INPP5B: variants seen among roughly 807,000 people sequenced by gnomAD.
INPP5B encodes the protein inositol polyphosphate-5-phosphatase B, also known as type II inositol 1,4,5-trisphosphate 5-phosphatase.
In INPP5B, 90 loss-of-function variants were observed where a neutral mutation model predicts 118.5. That is an observed-to-expected ratio of 0.76 (90% CI 0.64 to 0.90). The LOEUF is 0.90. INPP5B is among the 40% of genes least tolerant of loss of function. The pLI, the probability that INPP5B is intolerant of heterozygous loss-of-function variation, is 0.00. For synonymous variants in INPP5B, 385 were observed against 418.9 expected, an observed-to-expected ratio of 0.92 and a Z score of 0.99; for missense variants, 984 against 1,125.6, an observed-to-expected ratio of 0.87 and a Z score of 1.80.
chr1:37,908,194 G>A lies in INPP5B; in HGVS notation c.533-16740C>T, dbSNP rs183691777. Reference sequence around the variant, plus strand: ...GTTGGTGGTCTCTTCACAAGGATGCGTGTGACATTTGGTGCCAAAACCCAG... The same window carrying A: ...GTTGGTGGTCTCTTCACAAGGATGCATGTGACATTTGGTGCCAAAACCCAG... On this transcript the variant is annotated intron_variant, in intron 7 of 23. Transcript: ENST00000373024. Among the ~76,000 whole-genome samples the A allele has an allele frequency of 9.2e-5, 14 of 152,250 alleles. No homozygotes were observed. In the East Asian group the frequency reaches 1.4e-3, roughly 15 times the overall value.
chr1:37,898,552 G>A (rs1048267834), intron 7 of INPP5B, among the ~76,000 whole-genome samples: 7 of 152,000 alleles, frequency 4.6e-5, no homozygotes, highest in East Asian at 1.9e-4. Context: ...ATATTTAGCC[G>A]GGAGCGGTGG....
At chr1:37,880,017 A>G (rs999265794) in intron 15 of INPP5B, 68 bp downstream of exon 15, 3 of 992,552 alleles carry the variant, frequency 3.0e-6, no homozygotes, top group African/African-American at 1.6e-5. Flanking sequence ...TAGGTCCAAA[A>G]GGGCAAGTAC....
intron 5 of INPP5B, chr1:37,941,958 A>AAAAAAAAAAATATATAT: frequency 3.3e-5 from 1 of 30,386 alleles, no homozygotes; most frequent in Admixed American, 3.0e-4. Context: ...AAAAAAAAAA[A>AAAAAAAAAAATATATAT]ATATATATAT....
chr1:37,862,309 A>G lies in INPP5B; in HGVS notation c.*6T>C. On this transcript the variant is annotated 3_prime_UTR_variant, in exon 24 of 24. Coordinates refer to ENST00000373024, the MANE Select transcript of INPP5B (RefSeq NM_005540.3). ...AGCCTCAAGTAAAATAGGAGGAGAG[A>G]GAGGCTCAGAGTGGGTTGCAGAGGA... The G allele has an allele frequency of 2.5e-6, 4 of 1,581,690 alleles. No individual in the cohort carries two copies. The highest frequency in any genetic ancestry group is 3.5e-6 in the Non-Finnish European group (4 of 1,150,742).
At chr1:37,933,703 G>C (rs954252747) in intron 6 of INPP5B, among the ~76,000 whole-genome samples, 2 of 149,778 alleles carry the variant, frequency 1.3e-5, no homozygotes, top group Admixed American at 6.7e-5. Context: ...CTGGGTGACA[G>C]AGCTAGACTC....
Position 37,885,805 on chromosome 1 carries a change from C to T in INPP5B, c.1152G>A (p.Ala384=), listed in dbSNP as rs567469521. 30 of 1,614,068 alleles carry T rather than the reference C, an allele frequency of 1.9e-5. No homozygotes were observed. The African/African-American group carries it at 2.4e-4, about 13-fold the overall frequency. Residue 384 remains alanine, a synonymous_variant, in exon 13 of 24, where the codon GCG becomes GCA. Coordinates refer to ENST00000373024, the MANE Select transcript of INPP5B (RefSeq NM_005540.3). ...MGRMGNKGGV[A]IRFQFHNTSI... is the part of the protein sequence containing the mutation. Reference sequence around the variant, plus strand: ...TGGTGTTGTGGAACTGGAACCTGATCGCCACGCCTCCCTTGTTGCCCTATG... The same window carrying T: ...TGGTGTTGTGGAACTGGAACCTGATTGCCACGCCTCCCTTGTTGCCCTATG...
At chr1:37,883,200 T>C (rs778692357) in intron 13 of INPP5B, 1 of 985,362 alleles carries the variant, frequency 1.0e-6, no homozygotes, top group Non-Finnish European at 1.2e-6. Context: ...ATCTAAAAGA[T>C]AGTAATTTAC....
intron 5 of INPP5B, among the ~76,000 whole-genome samples, chr1:37,941,598 G>T (rs894179989): frequency 6.6e-6 from 1 of 151,500 alleles, no homozygotes; most frequent in Non-Finnish European, 1.5e-5. Flanking sequence ...CCATATTTGT[G>T]CCACTGCACT....
At chr1:37,886,554 G>C (rs1436595855) in intron 12 of INPP5B, among the ~76,000 whole-genome samples, 1 of 152,210 alleles carries the variant, frequency 6.6e-6, no homozygotes, top group Non-Finnish European at 1.5e-5. Context: ...TCAATAAGAA[G>C]AGGAAATTGC....
intron 20 of INPP5B, 23 bp downstream of exon 20, chr1:37,868,478 C>T: frequency 7.1e-6 from 11 of 1,544,286 alleles, no homozygotes; most frequent in Non-Finnish European, 9.9e-6. Context: ...TCAATCAGGT[C>T]TGAATGCTTA....
intron 7 of INPP5B, among the ~76,000 whole-genome samples, chr1:37,905,510 C>T (rs975969457): frequency 1.3e-5 from 2 of 152,206 alleles, no homozygotes; most frequent in East Asian, 1.9e-4. Flanking sequence ...CTAATAATTA[C>T]AATTGTTATG....
At chr1:37,889,333 C>T (rs573576126) in intron 9 of INPP5B, among the ~76,000 whole-genome samples, 8 of 152,184 alleles carry the variant, frequency 5.3e-5, no homozygotes, top group Non-Finnish European at 1.2e-4. Flanking sequence ...ATCTGCAAGT[C>T]GTGTCACTCC....
intron 7 of INPP5B, among the ~76,000 whole-genome samples, chr1:37,916,565 C>T (rs992495619): frequency 2.6e-5 from 4 of 151,818 alleles, no homozygotes; most frequent in South Asian, 2.1e-4. Flanking sequence ...TACAGGCATG[C>T]GCCACTACGC....
At chr1:37,874,379 T>C (rs1306477026) in intron 17 of INPP5B, among the ~76,000 whole-genome samples, 2 of 152,224 alleles carry the variant, frequency 1.3e-5, no homozygotes, top group Non-Finnish European at 2.9e-5. Context: ...GTCTACTTCC[T>C]GAAGAAGTCA....
chr1:37,928,910 TG>T (rs1308447154), intron 7 of INPP5B: 1 of 152,104 alleles, frequency 6.6e-6, no homozygotes, highest in African/African-American at 2.4e-5. Flanking sequence ...CCTTGGGGCC[TG>T]TATCGACATC....
rs1646031642 is a variant in INPP5B, at chr1:37,944,036, A to G, written c.153-143T>C. 5 of 656,640 alleles carry G rather than the reference A, an allele frequency of 7.6e-6. No individual in the cohort carries two copies. In the Admixed American group the frequency reaches 9.4e-5, roughly 12 times the overall value. 40.7% of individuals were successfully genotyped at this position (656,640 alleles called of 1,614,324 possible). ...CCTGGCTAGGCACACTCCTCATGCC[A>G]TCTCTGTCTGTGGTGCCCATCAGAG... On this transcript the variant is annotated intron_variant, in intron 3 of 23. Transcript: ENST00000373024.
In INPP5B at chr1:37,932,034, C is replaced by T. The variant is rs747156795; in HGVS notation, c.411G>A (p.Arg137=). The change falls in exon 7 of 24, where the codon CGG becomes CGA. Residue 137 remains arginine (R), a synonymous_variant. Coordinates refer to ENST00000373024, the MANE Select transcript of INPP5B (RefSeq NM_005540.3). The part of the protein sequence containing the change: ...RACPGFDSAT[R]DPEFLWLSRY... ...GAGACAGCCACAGGAATTCAGGATC[C>T]CGGGTCGCAGAATCGAAGCCTGTGC... 7.2e-5 allele frequency: 116 copies of T among 1,600,582 alleles called. No homozygotes were observed. The highest frequency in any genetic ancestry group is 9.6e-5 in the Non-Finnish European group (113 of 1,172,214).
rs1297909061 is a variant in INPP5B, at chr1:37,945,738, A to T, written c.152+18T>A. 6.2e-7 allele frequency: 1 copy of T among 1,600,104 alleles called. No individual in the cohort carries two copies. The highest frequency in any genetic ancestry group is 1.7e-5 in the Admixed American group (1 of 59,802). On this transcript the variant is annotated intron_variant, in intron 3 of 23. Coordinates refer to ENST00000373024, the MANE Select transcript of INPP5B (RefSeq NM_005540.3). ...AACCCCATGGCCCAGACAGGTGGGG[A>T]CCAAGCCCCTCACTCACGCGTGTTC...
At chr1:37,896,606 C>T in intron 7 of INPP5B, among the ~76,000 whole-genome samples, 1 of 141,182 alleles carries the variant, frequency 7.1e-6, no homozygotes, top group African/African-American at 2.6e-5. Context: ...GTGGGGGGGT[C>T]AGCCCCCCGC....
Sources: allele counts gnomAD v4.1 joint callset (sites outside exome capture counted in the v4.1 genomes callset), GRCh38; gene constraint gnomAD v4.1.1; transcripts MANE v1.5; gene names NCBI Gene and HGNC (gene_info 2026-07-23, HGNC 2026-07-21).